ANO3: variants seen among roughly 807,000 people sequenced by gnomAD.
ANO3 encodes the protein anoctamin 3, also known as anoctamin-3.
ANO3 carries 99 observed loss-of-function variants against 144.8 expected under a neutral mutation model. The observed-to-expected ratio is 0.68, with a 90% CI of 0.58 to 0.81. The LOEUF is 0.81. ANO3 is among the 30% of genes least tolerant of loss of function. The probability of loss-of-function intolerance (pLI) is 0.00; values close to 1 mark genes in which losing one functional copy is unlikely to be tolerated. For missense variants in ANO3, 905 were observed against 1,202.2 expected (o/e 0.75, Z 3.66); for synonymous variants, 414 against 392.6 (o/e 1.05, Z -0.64).
At chr11:26,544,069 G>A (rs1305186336) in intron 11 of ANO3, among the ~76,000 whole-genome samples, 2 of 150,956 alleles carry the variant, frequency 1.3e-5, no homozygotes, top group Non-Finnish European at 3.0e-5. Flanking sequence ...AAATGTGCTG[G>A]TTCACCAAGC....
chr11:26,545,311 T>A (rs1350378682), intron 11 of ANO3, among the ~76,000 whole-genome samples: 2 of 152,064 alleles, frequency 1.3e-5, no homozygotes, highest in Non-Finnish European at 2.9e-5. Flanking sequence ...AATAAAGTAG[T>A]TCCTTAGTAG....
At chr11:26,535,824 C>A (rs1443310118) in intron 9 of ANO3, among the ~76,000 whole-genome samples, 1 of 151,250 alleles carries the variant, frequency 6.6e-6, no homozygotes, top group Non-Finnish European at 1.5e-5. Context: ...ACCTGGTGAT[C>A]TGCCCGCCTC....
intron 23 of ANO3, 98 bp from the exon 24 acceptor site, chr11:26,647,611 T>C: frequency 8.6e-7 from 1 of 1,169,264 alleles, no homozygotes; most frequent in Non-Finnish European, 1.2e-6. Context: ...AGAGCTGTGG[T>C]TCCAACATAA....
At chr11:26,520,378 G>T (rs1185499890) in intron 6 of ANO3, among the ~76,000 whole-genome samples, 1 of 152,036 alleles carries the variant, frequency 6.6e-6, no homozygotes, top group Admixed American at 6.6e-5. Flanking sequence ...AATGAAAAAG[G>T]GGGGGAAAAC....
At chr11:26,646,325 A>T (rs999874365) in intron 23 of ANO3, among the ~76,000 whole-genome samples, 7 of 152,138 alleles carry the variant, frequency 4.6e-5, no homozygotes, top group African/African-American at 1.7e-4. Context: ...ACATACAGTC[A>T]TAGCTATAAA....
intron 13 of ANO3, chr11:26,559,208 T>C (rs935150819): frequency 6.6e-6 from 1 of 152,460 alleles, no homozygotes; most frequent in East Asian, 1.9e-4. Flanking sequence ...AGATGGGATT[T>C]ATTACATCTT....
At position 26,235,002 on chromosome 11, in the gene ANO3, A is replaced by AAGAG. The variant is rs10694750; in HGVS notation, c.154+45692_154+45695dup. ...GTTAGACAGAGAGAGAGAGAAAAGA[A>AAGAG]AGAGAGAGAGAGAGAGAGAGAGATG... On this transcript the variant is annotated intron_variant, in intron 1 of 27. Transcript: ENST00000672621. Among the ~76,000 whole-genome samples the AAGAG allele has an allele frequency of 1.4e-3, 193 of 140,242 alleles. 1 individual carries two copies. The highest frequency in any genetic ancestry group is 3.9e-3 in the African/African-American group (153 of 39,460). 92.0% of individuals were successfully genotyped at this position (140,242 alleles called of 152,430 possible).
intron 14 of ANO3, among the ~76,000 whole-genome samples, chr11:26,580,737 T>G (rs923026233): frequency 6.6e-6 from 1 of 152,200 alleles, no homozygotes; most frequent in Non-Finnish European, 1.5e-5. Flanking sequence ...TTCAGACAAT[T>G]AAGCTATGAG....
intron 24 of ANO3, among the ~76,000 whole-genome samples, chr11:26,654,488 A>T (rs1486961500): frequency 6.6e-6 from 1 of 152,132 alleles, no homozygotes. Flanking sequence ...AAATTCACTC[A>T]TTAATTCAAA....
chr11:26,508,342 A>G, intron 5 of ANO3, 80 bp downstream of exon 5: 6 of 1,264,206 alleles, frequency 4.7e-6, no homozygotes, highest in Non-Finnish European at 6.5e-6. Flanking sequence ...AAAGAAAAAT[A>G]TGTATCACAT....
At chr11:26,317,987 T>C (rs1854666292) in intron 1 of ANO3, among the ~76,000 whole-genome samples, 1 of 152,094 alleles carries the variant, frequency 6.6e-6, no homozygotes, top group Non-Finnish European at 1.5e-5. Flanking sequence ...AAACCATCAT[T>C]CTCAGCAAAC....
At chr11:26,485,004 C>T (rs1489375116) in intron 4 of ANO3, among the ~76,000 whole-genome samples, 1 of 152,018 alleles carries the variant, frequency 6.6e-6, no homozygotes, top group Non-Finnish European at 1.5e-5. Flanking sequence ...TGCCTGTATC[C>T]CCATTTTATA....
At chr11:26,236,091 C>A (rs893598622) in intron 1 of ANO3, among the ~76,000 whole-genome samples, 19 of 152,154 alleles carry the variant, frequency 1.2e-4, no homozygotes, top group Non-Finnish European at 7.4e-5. Context: ...AACTCCCATT[C>A]TGTTTTTACA....
chr11:26,435,182 C>G (rs1300875447), intron 1 of ANO3, among the ~76,000 whole-genome samples: 1 of 152,040 alleles, frequency 6.6e-6, no homozygotes, highest in Non-Finnish European at 1.5e-5. Flanking sequence ...ACTTCTTTGT[C>G]TTTTTTGATC....
chr11:26,595,462 T>TTTTTTG, intron 14 of ANO3, among the ~76,000 whole-genome samples: 1 of 70,146 alleles, frequency 1.4e-5, no homozygotes, highest in African/African-American at 4.5e-5. Context: ...ATAGAGTTGT[T>TTTTTTG]TTTTTTTTTT....
chr11:26,495,883 G>T (rs1860916982), intron 4 of ANO3, among the ~76,000 whole-genome samples: 1 of 152,144 alleles, frequency 6.6e-6, no homozygotes, highest in Non-Finnish European at 1.5e-5. Flanking sequence ...TAATAGTTTG[G>T]AATTGTCTGC....
chr11:26,233,206 G>A (rs1431832468), intron 1 of ANO3, among the ~76,000 whole-genome samples: 1 of 138,070 alleles, frequency 7.2e-6, no homozygotes, highest in Non-Finnish European at 1.6e-5. Context: ...AACAGAGCAA[G>A]ACTCCGTCTC....
chr11:26,381,328 T>A (rs956364036), intron 1 of ANO3, among the ~76,000 whole-genome samples: 3 of 152,172 alleles, frequency 2.0e-5, no homozygotes, highest in Admixed American at 6.5e-5. Context: ...TTTGTTTGTT[T>A]AGTTTTGTTT....
At chr11:26,353,367 C>T (rs2133915311) in intron 1 of ANO3, among the ~76,000 whole-genome samples, 1 of 152,314 alleles carries the variant, frequency 6.6e-6, no homozygotes, top group East Asian at 1.9e-4. Flanking sequence ...GTCTTATCGT[C>T]CCCTACCTTA....
Sources: allele counts gnomAD v4.1 joint callset (sites outside exome capture counted in the v4.1 genomes callset), GRCh38; gene constraint gnomAD v4.1.1; transcripts MANE v1.5; gene names NCBI Gene and HGNC (gene_info 2026-07-23, HGNC 2026-07-21).